Variants in GTF2I observed in about 807,000 individuals in gnomAD.
The protein encoded by GTF2I is general transcription factor IIi, also known as general transcription factor II-I.
In GTF2I, 12 loss-of-function variants were observed where a neutral mutation model predicts 67.6. The observed-to-expected ratio is 0.18, with a 90% confidence interval of 0.11 to 0.29. GTF2I has a LOEUF of 0.29. GTF2I is among the 10% of genes least tolerant of loss of function. The pLI is 1.00. For synonymous variants in GTF2I, 149 were observed against 197.0 expected (o/e 0.76, Z 2.04); for missense variants, 271 against 580.1 (o/e 0.47, Z 5.47).
intron 1 of GTF2I, among the ~76,000 whole-genome samples, chr7:74,686,805 G>A (rs1023358220): frequency 7.2e-5 from 11 of 151,864 alleles, no homozygotes; most frequent in Admixed American, 3.9e-4. Flanking sequence ...CTTTACTTCC[G>A]TCTCTAGTCA....
chr7:74,684,813 C>A (rs996458877), intron 1 of GTF2I: 1 of 152,196 alleles, frequency 6.6e-6, no homozygotes, highest in African/African-American at 2.4e-5. Context: ...GCGTCTGTCC[C>A]CCATTTCTTA....
intron 1 of GTF2I, among the ~76,000 whole-genome samples, chr7:74,680,463 G>A (rs1200284277): frequency 6.6e-6 from 1 of 151,408 alleles, no homozygotes; most frequent in Non-Finnish European, 1.5e-5. Flanking sequence ...TTTTTTGTCT[G>A]GGTGCAGTGG....
intron 1 of GTF2I, among the ~76,000 whole-genome samples, chr7:74,682,290 A>G (rs1192033388): frequency 6.6e-6 from 1 of 152,212 alleles, no homozygotes; most frequent in Non-Finnish European, 1.5e-5. Flanking sequence ...CTTACTGAAA[A>G]CAACCAACAC....
intron 3 of GTF2I, among the ~76,000 whole-genome samples, chr7:74,697,927 C>T (rs1416246766): frequency 3.2e-5 from 4 of 125,338 alleles, no homozygotes; most frequent in Non-Finnish European, 6.6e-5. Context: ...TGCCACCATG[C>T]CCAGCTAATT....
At chr7:74,660,418 C>T (rs1161097171) in intron 1 of GTF2I, among the ~76,000 whole-genome samples, 1 of 151,934 alleles carries the variant, frequency 6.6e-6, no homozygotes, top group East Asian at 1.9e-4. Context: ...TCTTGAACTC[C>T]TGACTTCAGG....
At chr7:74,720,083 A>G (rs1554404280) in intron 12 of GTF2I, among the ~76,000 whole-genome samples, 1 of 152,174 alleles carries the variant, frequency 6.6e-6, no homozygotes, top group Non-Finnish European at 1.5e-5. Flanking sequence ...ATACTGAGGG[A>G]TGTATGCCAG....
chr7:74,685,683 T>C (rs1584127194), intron 1 of GTF2I, among the ~76,000 whole-genome samples: 3 of 142,766 alleles, frequency 2.1e-5, no homozygotes, highest in Admixed American at 7.0e-5. Context: ...AGGAGAATCG[T>C]TTGAACCCGG....
intron 9 of GTF2I, among the ~76,000 whole-genome samples, chr7:74,712,308 G>A (rs587714482): frequency 1.3e-5 from 2 of 152,180 alleles, no homozygotes; most frequent in African/African-American, 4.8e-5. Context: ...GTGAACCATA[G>A]TATTTGTCTC....
chr7:74,681,629 A>G (rs1018462506), intron 1 of GTF2I, among the ~76,000 whole-genome samples: 6 of 152,160 alleles, frequency 3.9e-5, no homozygotes, highest in Non-Finnish European at 7.3e-5. Context: ...TGTAATGGGA[A>G]GGCTGGGCAT....
At position 74,705,175 on chromosome 7, in the gene GTF2I, A is replaced by C; in HGVS notation, c.598A>C (p.Met200Leu). 1 of 1,601,756 alleles carries C rather than the reference A, an allele frequency of 6.2e-7. No homozygotes were observed. Among genetic ancestry groups the C allele is most frequent in the Non-Finnish European group, 8.5e-7 (1 of 1,170,034 alleles). ...EPKKHVGGRV[M>L]VTDADRSILS... Reference sequence around the variant, plus strand: ...TTTTTTGTATGTAGGTGGTCGTGTGATGGTAACAGATGCTGACAGGTCAAT... The same window carrying C: ...TTTTTTGTATGTAGGTGGTCGTGTGCTGGTAACAGATGCTGACAGGTCAAT... The change falls in exon 7 of 35, where the codon ATG becomes CTG. Residue 200 changes from methionine to leucine, a missense_variant. By Grantham distance (15) the Met-to-Leu change is conservative (BLOSUM62 2). Around this residue, in one of 9 missense-constraint regions of GTF2I, gnomAD observed 124 missense variants for 147.0 expected, o/e 0.84. Coordinates refer to ENST00000573035, the MANE Select transcript of GTF2I (RefSeq NM_032999.4).
At chr7:74,676,232 T>A (rs782450277) in intron 1 of GTF2I, among the ~76,000 whole-genome samples, 2 of 152,306 alleles carry the variant, frequency 1.3e-5, no homozygotes, top group South Asian at 2.1e-4. Flanking sequence ...TATCAAGATA[T>A]GAAGTTAATT....
At chr7:74,703,356 A>G (rs1343709991) in intron 6 of GTF2I, among the ~76,000 whole-genome samples, 1 of 152,040 alleles carries the variant, frequency 6.6e-6, no homozygotes, top group South Asian at 2.1e-4. Flanking sequence ...AAATTTTGAT[A>G]AAAATAAGTT....
At chr7:74,695,013 C>T (rs781996169) in intron 3 of GTF2I, among the ~76,000 whole-genome samples, 3 of 152,180 alleles carry the variant, frequency 2.0e-5, no homozygotes, top group Non-Finnish European at 2.9e-5. Context: ...ATTTTAAGCC[C>T]ACTTTTGAGA....
At chr7:74,699,176 G>A (rs1311837562) in intron 4 of GTF2I, 81 bp downstream of exon 4, 10 of 656,730 alleles carry the variant, frequency 1.5e-5, no homozygotes, top group Non-Finnish European at 2.3e-5. Flanking sequence ...TAATTGATTC[G>A]AAAATCATAT....
At chr7:74,687,263 C>T (rs929178147) in intron 1 of GTF2I, among the ~76,000 whole-genome samples, 8 of 151,584 alleles carry the variant, frequency 5.3e-5, no homozygotes, top group Non-Finnish European at 2.9e-5. Flanking sequence ...CTCACTCTGT[C>T]GCCCAGGCTG....
At chr7:74,725,814 A>G (rs1218380835) in intron 12 of GTF2I, among the ~76,000 whole-genome samples, 1 of 151,652 alleles carries the variant, frequency 6.6e-6, no homozygotes, top group Non-Finnish European at 1.5e-5. Flanking sequence ...GTATTAAAAA[A>G]GCACTCTAGT....
intron 13 of GTF2I, among the ~76,000 whole-genome samples, chr7:74,729,582 ATTC>A (rs1160988957): frequency 7.7e-6 from 1 of 130,232 alleles, no homozygotes; most frequent in Non-Finnish European, 1.6e-5. Context: ...GGTTCAAGTG[ATTC>A]TTCTGCCTCA....
At chr7:74,664,084 C>T (rs1487464289) in intron 1 of GTF2I, among the ~76,000 whole-genome samples, 10 of 152,104 alleles carry the variant, frequency 6.6e-5, no homozygotes, top group African/African-American at 2.4e-4. Flanking sequence ...CCGCCTTGGC[C>T]TCCGAAAGTG....
Position 74,675,072 on chromosome 7 carries a change from C to T in GTF2I, c.-5-14052C>T, listed in dbSNP as rs137948053. On this transcript the variant is annotated intron_variant, in intron 1 of 34. Coordinates refer to ENST00000573035, the MANE Select transcript of GTF2I (RefSeq NM_032999.4). The stretch of plus-strand genomic sequence containing the variant: ...TTTGCCATGTTGGCCAGGCTGGTGT[C>T]GAACTCCTGACCTCAGGTGATCCAC... Among the ~76,000 whole-genome samples the T allele has an allele frequency of 3.8e-4, 55 of 145,088 alleles. 1 individual carries two copies. In the East Asian group the frequency reaches 0.011, roughly 29 times the overall value.
Sources: allele counts gnomAD v4.1 joint callset (sites outside exome capture counted in the v4.1 genomes callset), GRCh38; gene constraint gnomAD v4.1.1; regional missense constraint gnomAD v4.1.1; transcripts MANE v1.5; gene names NCBI Gene and HGNC (gene_info 2026-07-23, HGNC 2026-07-21).